TNFSF8: variants seen among roughly 807,000 people sequenced by gnomAD.
TNFSF8 encodes the protein tumor necrosis factor ligand superfamily member 8.
In TNFSF8, 4 loss-of-function variants were observed where a neutral mutation model predicts 22.0. The ratio of observed to expected loss-of-function variants is 0.18; its 90% CI spans 0.09 to 0.42. The LOEUF (loss-of-function observed/expected upper bound fraction) is 0.42. Among genes scored for constraint, TNFSF8 ranks in the 10% least tolerant of loss-of-function variants. The pLI, the probability that TNFSF8 is intolerant of heterozygous loss-of-function variation, is 1.00. For synonymous variants in TNFSF8, 106 were observed against 112.5 expected (o/e 0.94, Z 0.37); for missense variants, 233 against 281.8 (o/e 0.83, Z 1.24).
At chr9:114,920,565 G>A (rs1043587846) in intron 1 of TNFSF8, among the ~76,000 whole-genome samples, 1 of 152,222 alleles carries the variant, frequency 6.6e-6, no homozygotes, top group Non-Finnish European at 1.5e-5. Flanking sequence ...GAATCATAGT[G>A]CTTTAAGGTA....
intron 1 of TNFSF8, among the ~76,000 whole-genome samples, chr9:114,919,879 G>A (rs1003470026): frequency 6.6e-6 from 1 of 152,118 alleles, no homozygotes; most frequent in Non-Finnish European, 1.5e-5. Context: ...AGTGAGTCAA[G>A]GAGGTCTCCT....
At chr9:114,899,063 T>A (rs1341637173), downstream of TNFSF8, among the ~76,000 whole-genome samples, 1 of 152,128 alleles carries the variant, frequency 6.6e-6, no homozygotes, top group African/African-American at 2.4e-5. Flanking sequence ...CCCCAACTAC[T>A]AAGCTCGTAT....
At chr9:114,928,628 C>G (rs918193307) in intron 1 of TNFSF8, among the ~76,000 whole-genome samples, 1 of 152,104 alleles carries the variant, frequency 6.6e-6, no homozygotes, top group Non-Finnish European at 1.5e-5. Context: ...AATGACATAC[C>G]CTTGGTTCAC....
intron 1 of TNFSF8, among the ~76,000 whole-genome samples, chr9:114,919,670 A>G (rs1410859439): frequency 1.3e-5 from 2 of 152,214 alleles, no homozygotes; most frequent in African/African-American, 4.8e-5. Context: ...TGTATGCGAA[A>G]AAACCAACTT....
chr9:114,896,621 T>C (rs1827657604), downstream of TNFSF8, among the ~76,000 whole-genome samples: 1 of 152,154 alleles, frequency 6.6e-6, no homozygotes, highest in Admixed American at 6.5e-5. Context: ...TTTGTGTCAA[T>C]CAAAAATAAA....
chr9:114,897,196 C>T (rs780442746), downstream of TNFSF8, among the ~76,000 whole-genome samples: 3 of 152,132 alleles, frequency 2.0e-5, no homozygotes, highest in African/African-American at 7.2e-5. Flanking sequence ...CCACTGTCCC[C>T]GGCCTGAAAA....
intron 1 of TNFSF8, among the ~76,000 whole-genome samples, chr9:114,929,151 CA>C (rs1828103251): frequency 6.6e-6 from 1 of 152,134 alleles, no homozygotes. Flanking sequence ...TCTCTGTAAA[CA>C]CCAATTTTCT....
At chr9:114,906,058 G>T (rs565882702) in intron 2 of TNFSF8, among the ~76,000 whole-genome samples, 159 bp from the exon 3 acceptor site, 1 of 152,278 alleles carries the variant, frequency 6.6e-6, no homozygotes, top group South Asian at 2.1e-4. Context: ...TTGCCATCAG[G>T]TATTTTAGGA....
At chr9:114,929,243 C>T (rs978107574) in intron 1 of TNFSF8, among the ~76,000 whole-genome samples, 2 of 152,114 alleles carry the variant, frequency 1.3e-5, no homozygotes, top group African/African-American at 4.8e-5. Flanking sequence ...AGTAAATCTC[C>T]GAAGACAGTC....
intron 2 of TNFSF8, among the ~76,000 whole-genome samples, chr9:114,906,556 G>A (rs1827788369): frequency 6.6e-6 from 1 of 152,116 alleles, no homozygotes; most frequent in Non-Finnish European, 1.5e-5. Context: ...CCAGAGGCCA[G>A]GTTTCCTGTT....
chr9:114,904,003 G>A lies in TNFSF8; in HGVS notation c.633C>T (p.Phe211=), dbSNP rs778760383. 3.7e-6 allele frequency: 6 copies of A among 1,614,096 alleles called. No homozygotes were observed. The South Asian group carries it at 6.6e-5, about 18-fold the overall frequency. ...NTTISVNVDT[F]QYIDTSTFPL... ...GAAAGGTGCTTGTATCTATGTACTG[G>A]AATGTATCCACATTGACTGATATGG... The change falls in exon 4 of 4, where the codon TTC becomes TTT. Residue 211 remains phenylalanine, a synonymous_variant. Transcript: ENST00000223795.
At chr9:114,905,944 G>A (rs781617815) in intron 2 of TNFSF8, 45 bp from the exon 3 acceptor site, 1 of 1,364,734 alleles carries the variant, frequency 7.3e-7, no homozygotes, top group South Asian at 1.2e-5. Flanking sequence ...TTGCCGTTTT[G>A]GGATCTGGAA....
exon 5 of TNFSF8, chr9:114,893,900 C>T (rs550738241): frequency 4.1e-5 from 23 of 566,534 alleles, no homozygotes; most frequent in African/African-American, 2.8e-4. Context: ...AAGTATTGGG[C>T]CACGATTCCA....
intron 1 of TNFSF8, 55 bp from the exon 2 acceptor site, chr9:114,918,193 C>CTTT: frequency 1.4e-6 from 2 of 1,434,860 alleles, no homozygotes; most frequent in Non-Finnish European, 9.4e-7. Context: ...GTTGAAACAA[C>CTTT]TTTTTTTTTT....
chr9:114,918,924 G>A (rs1410215982), intron 1 of TNFSF8, among the ~76,000 whole-genome samples: 1 of 152,036 alleles, frequency 6.6e-6, no homozygotes, highest in Non-Finnish European at 1.5e-5. Flanking sequence ...CTCCCAATCT[G>A]GTGCTTTTCC....
chr9:114,913,680 C>T (rs1019128879), intron 2 of TNFSF8, among the ~76,000 whole-genome samples: 3 of 152,170 alleles, frequency 2.0e-5, no homozygotes, highest in Admixed American at 6.5e-5. Context: ...AAGGTGGATA[C>T]GCTGGATTTG....
At position 114,929,935 on chromosome 9, in the gene TNFSF8, G is replaced by A. The variant is rs937480520; in HGVS notation, c.195+174C>T. Among the ~76,000 whole-genome samples, 7 of 147,362 alleles carry A rather than the reference G, an allele frequency of 4.8e-5. No individual in the cohort carries two copies. In the Admixed American group the frequency reaches 4.8e-4, roughly 10 times the overall value. ...ATAATATATATTATGTAACATAAGTGTATTACGTTATACAGTATATACTAT... is the reference window on the plus strand; with the variant it reads ...ATAATATATATTATGTAACATAAGTATATTACGTTATACAGTATATACTAT... On this transcript the variant is annotated intron_variant, in intron 1 of 3. Coordinates refer to ENST00000223795, the MANE Select transcript of TNFSF8 (RefSeq NM_001244.4).
chr9:114,913,117 T>C (rs1023939283), intron 2 of TNFSF8, among the ~76,000 whole-genome samples: 7 of 152,220 alleles, frequency 4.6e-5, no homozygotes, highest in African/African-American at 1.7e-4. Context: ...AAGACTTGAA[T>C]GTCAGCATTC....
intron 3 of TNFSF8, among the ~76,000 whole-genome samples, chr9:114,904,936 G>A (rs2131341337): frequency 6.6e-6 from 1 of 152,184 alleles, no homozygotes; most frequent in Admixed American, 6.5e-5. Context: ...TCCCTTCAAA[G>A]GGCAGCCAAA....
Sources: gnomAD v4.1 joint callset for allele counts (sites outside exome capture counted in the v4.1 genomes callset) on GRCh38, gnomAD v4.1.1 for gene constraint, MANE v1.5 for transcripts, NCBI Gene and HGNC (gene_info 2026-07-23, HGNC 2026-07-21) for gene names.